DNAH11: variants seen among roughly 807,000 people sequenced by gnomAD.
The protein encoded by DNAH11 is dynein axonemal heavy chain 11.
DNAH11 carries 442 observed loss-of-function variants against 526.0 expected under a neutral mutation model. The observed-to-expected ratio is 0.84, with a 90% CI of 0.78 to 0.91. The LOEUF is 0.91. DNAH11 is among the 40% of genes least tolerant of loss of function. The pLI is 0.00. For missense variants in DNAH11, 6,989 were observed against 5,448.7 expected, an observed-to-expected ratio of 1.28 and a Z score of -8.90; for synonymous variants, 2,461 against 1,935.9, an observed-to-expected ratio of 1.27 and a Z score of -7.12.
At chr7:21,848,990 A>ATTCTC (rs1297122282) in intron 66 of DNAH11, among the ~76,000 whole-genome samples, 2 of 152,168 alleles carry the variant, frequency 1.3e-5, no homozygotes, top group African/African-American at 4.8e-5. Context: ...GGTTCAAACA[A>ATTCTC]TTCTCCTGCC....
intron 77 of DNAH11, 50 bp downstream of exon 77, chr7:21,892,717 G>A: frequency 1.3e-6 from 2 of 1,511,646 alleles, no homozygotes; most frequent in Non-Finnish European, 1.8e-6. Context: ...TAACTTACTT[G>A]TACTGAAGTC....
At chr7:21,861,827 T>G (rs2128030700) in intron 68 of DNAH11, 26 bp from the exon 69 acceptor site, 1 of 1,609,964 alleles carries the variant, frequency 6.2e-7, no homozygotes, top group Non-Finnish European at 8.5e-7. Flanking sequence ...GTTGTCACAT[T>G]TTAATGGTCA....
chr7:21,603,361 G>T (rs1193609356), intron 18 of DNAH11, among the ~76,000 whole-genome samples: 1 of 152,142 alleles, frequency 6.6e-6, no homozygotes, highest in Non-Finnish European at 1.5e-5. Context: ...CAGTAGTGCT[G>T]CTATGAACAC....
At chr7:21,727,869 G>A (rs182282116) in intron 45 of DNAH11, among the ~76,000 whole-genome samples, 388 of 152,272 alleles carry the variant, frequency 2.5e-3, no homozygotes, top group African/African-American at 8.8e-3. Context: ...GAGACACTGA[G>A]GGGTTTTGTT....
chr7:21,900,992 G>A lies in DNAH11; in HGVS notation c.13304-15G>A, dbSNP rs756735704. Reference sequence around the variant, plus strand: ...AAGCTGCCACACAATTGCAACCGCTGTGTTTTTGCCATAGGCGCCCGCTGG... The same window carrying A: ...AAGCTGCCACACAATTGCAACCGCTATGTTTTTGCCATAGGCGCCCGCTGG... On this transcript the variant is annotated splice_polypyrimidine_tract_variant and intron_variant, in intron 81 of 81. Coordinates refer to ENST00000409508, the MANE Select transcript of DNAH11 (RefSeq NM_001277115.2). The A allele has an allele frequency of 5.7e-6, 9 of 1,565,564 alleles. No individual in the cohort carries two copies. The Admixed American group carries it at 1.5e-4, about 27-fold the overall frequency.
chr7:21,763,519 C>G (rs1787024952), intron 54 of DNAH11, among the ~76,000 whole-genome samples: 1 of 151,360 alleles, frequency 6.6e-6, no homozygotes, highest in Non-Finnish European at 1.5e-5. Context: ...GTTGGTGAGG[C>G]TGTGGAGAAA....
chr7:21,858,740 A>T (rs1475298033), intron 68 of DNAH11, among the ~76,000 whole-genome samples: 1 of 152,224 alleles, frequency 6.6e-6, no homozygotes, highest in Non-Finnish European at 1.5e-5. Flanking sequence ...GGCTGTAAAT[A>T]GGCACATGAG....
intron 2 of DNAH11, among the ~76,000 whole-genome samples, chr7:21,554,332 C>G (rs1334244052): frequency 2.0e-5 from 3 of 152,040 alleles, no homozygotes; most frequent in African/African-American, 7.2e-5. Flanking sequence ...TACCACCATG[C>G]CCAGCTAATT....
chr7:21,842,485 C>A, intron 65 of DNAH11, 59 bp from the exon 66 acceptor site: 1 of 1,388,890 alleles, frequency 7.2e-7, no homozygotes, highest in African/African-American at 1.4e-5. Context: ...GGAATGACAC[C>A]GTAGTATCAG....
chr7:21,862,115 T>C, intron 69 of DNAH11, 92 bp downstream of exon 69: 4 of 1,216,860 alleles, frequency 3.3e-6, no homozygotes, highest in Non-Finnish European at 4.3e-6. Flanking sequence ...AAGCAAAATA[T>C]AATAGACTTT....
chr7:21,581,607 G>A (rs935512496), intron 8 of DNAH11, among the ~76,000 whole-genome samples: 1 of 152,180 alleles, frequency 6.6e-6, no homozygotes, highest in Non-Finnish European at 1.5e-5. Context: ...GAGAGACTGA[G>A]GCTTCTATGT....
At chr7:21,883,676 T>G (rs1784015684) in intron 75 of DNAH11, among the ~76,000 whole-genome samples, 1 of 152,200 alleles carries the variant, frequency 6.6e-6, no homozygotes, top group Non-Finnish European at 1.5e-5. Flanking sequence ...CTTTCACAAT[T>G]TTTAGATGAG....
chr7:21,872,135 A>AAAAAAACAAAAAAC (rs1783522732), intron 73 of DNAH11, among the ~76,000 whole-genome samples: 4 of 137,334 alleles, frequency 2.9e-5, no homozygotes, highest in Middle Eastern at 3.7e-3. Flanking sequence ...AAAAAAAAAA[A>AAAAAAACAAAAAAC]AAAAAAAAAA....
intron 2 of DNAH11, among the ~76,000 whole-genome samples, chr7:21,557,738 T>A (rs1345425931): frequency 6.6e-6 from 1 of 152,204 alleles, no homozygotes; most frequent in African/African-American, 2.4e-5. Flanking sequence ...TTCTGGCAAG[T>A]CTTTCTTAAT....
intron 76 of DNAH11, among the ~76,000 whole-genome samples, chr7:21,889,010 C>CA (rs11381392): frequency 0.29 from 42,166 of 144,902 alleles, 7,118 homozygotes; most frequent in Non-Finnish European, 0.38. Flanking sequence ...CCCACCCACC[C>CA]AAAAAAAAAA....
In DNAH11 at chr7:21,644,293, T is replaced by TG. The variant is rs78020935; in HGVS notation, c.4944+5228_4944+5229insG. 2.6e-5 allele frequency among the ~76,000 whole-genome samples: 4 copies of TG among 152,182 alleles called. No individual in the cohort carries two copies. In the East Asian group the frequency reaches 5.8e-4, roughly 22 times the overall value. Reference sequence around the variant, plus strand: ...GTGTGTTTTTATGCAGAGCTTCCATTTGGTTATCTTCCTGATAGAGTAAAA... The same window carrying TG: ...GTGTGTTTTTATGCAGAGCTTCCATTGTGGTTATCTTCCTGATAGAGTAAAA... On this transcript the variant is annotated intron_variant, in intron 28 of 81. Coordinates refer to ENST00000409508, the MANE Select transcript of DNAH11 (RefSeq NM_001277115.2).
intron 25 of DNAH11, among the ~76,000 whole-genome samples, chr7:21,622,449 C>T (rs1343181401): frequency 1.3e-5 from 2 of 152,126 alleles, no homozygotes; most frequent in Non-Finnish European, 2.9e-5. Flanking sequence ...TGACTTTCTT[C>T]ACAGAATTGG....
intron 2 of DNAH11, among the ~76,000 whole-genome samples, chr7:21,554,726 CCTT>C (rs1320029547): frequency 1.3e-5 from 2 of 152,130 alleles, no homozygotes; most frequent in African/African-American, 4.8e-5. Flanking sequence ...GGTTTCATTT[CCTT>C]CTTGAAATTC....
rs1404550031 is a variant in DNAH11 at position 21,601,066 on chromosome 7, G to A, written c.3312G>A (p.Val1104=). 2.5e-6 allele frequency: 4 copies of A among 1,611,684 alleles called. No homozygotes were observed. The highest frequency in any genetic ancestry group is 2.7e-5 in the African/African-American group (2 of 74,778). The change falls in exon 17 of 82, where the codon GTG becomes GTA. Residue 1104 remains valine, a synonymous_variant. Coordinates refer to ENST00000409508, the MANE Select transcript of DNAH11 (RefSeq NM_001277115.2). ...VQMSKFEDFR[V]FDSWFKVDMK... ...TGAGCAAATTTGAGGACTTTAGAGT[G>A]TTTGATAGTTGGTTCAAGGTGGACA... is the stretch of plus-strand genomic sequence containing the variant.
Sources: gnomAD v4.1 joint callset for allele counts (sites outside exome capture counted in the v4.1 genomes callset) on GRCh38, gnomAD v4.1.1 for gene constraint, MANE v1.5 for transcripts, NCBI Gene and HGNC (gene_info 2026-07-23, HGNC 2026-07-21) for gene names.